ABCC2: variants seen among roughly 807,000 people sequenced by gnomAD.
ABCC2 encodes ATP-binding cassette sub-family C member 2.
In ABCC2, 157 loss-of-function variants were observed where a neutral mutation model predicts 173.4. The ratio of observed to expected loss-of-function variants is 0.91; its 90% confidence interval spans 0.80 to 1.03. The LOEUF is 1.03. Ranked by LOEUF, ABCC2 falls within the 50% of genes least tolerant of loss-of-function variation. ABCC2 has a pLI of 0.00. For missense variants in ABCC2, 1,822 were observed against 1,852.3 expected, an observed-to-expected ratio of 0.98 and a Z score of 0.30; for synonymous variants, 657 against 693.5, an observed-to-expected ratio of 0.95 and a Z score of 0.83.
chr10:99,828,522 T>G (rs945898093), intron 19 of ABCC2, among the ~76,000 whole-genome samples: 2 of 152,258 alleles, frequency 1.3e-5, no homozygotes, highest in African/African-American at 4.8e-5. Flanking sequence ...CAATAATCTG[T>G]TCAAGGCCTC....
rs775999587 is a variant in ABCC2 at position 99,793,910 on chromosome 10, G to A, written c.487G>A (p.Ala163Thr). Residue 163 changes from alanine (A) to threonine (T), a missense_variant, in exon 5 of 32, where the codon GCC (alanine) becomes ACC (threonine). Coordinates refer to ENST00000647814, the MANE Select transcript of ABCC2 (RefSeq NM_000392.5). ...TLLQGDNSNL[A>T]YSCLFFISYG... ...CTCATAGGGTGACAATTCTAATCTA[G>A]CCTACTCCTGCCTGTTCTTCATCTC... The A allele has an allele frequency of 9.3e-6, 15 of 1,613,658 alleles. No homozygotes were observed. In the South Asian group the frequency reaches 1.6e-4, roughly 18 times the overall value.
At chr10:99,809,196 AAC>A (rs1269008832) in intron 13 of ABCC2, among the ~76,000 whole-genome samples, 1 of 151,926 alleles carries the variant, frequency 6.6e-6, no homozygotes, top group Non-Finnish European at 1.5e-5. Flanking sequence ...CTACTAAAGA[AAC>A]AAAAATTAGC....
chr10:99,800,495 T>C lies in ABCC2; in HGVS notation c.1141T>C (p.Tyr381His), dbSNP rs978497992. 1 of 1,614,216 alleles carries C rather than the reference T, an allele frequency of 6.2e-7. No homozygotes were observed. Among genetic ancestry groups the C allele is most frequent in the Non-Finnish European group, 8.5e-7 (1 of 1,180,034 alleles). The change falls in exon 9 of 32, where the codon TAT (tyrosine) becomes CAT (histidine). Residue 381 changes from tyrosine (Y) to histidine (H), a missense_variant. By Grantham distance (83) the Tyr-to-His change is moderately conservative (BLOSUM62 2). Transcript: ENST00000647814. ...ALIQSFCLQCYFQLCFKLGVK... is the reference protein window; with the variant it reads ...ALIQSFCLQCHFQLCFKLGVK... ...CATTCAGTCTTTCTGCCTTCAGTGT[T>C]ATTTCCAACTGTGCTTCAAGCTGGG...
chr10:99,784,170 G>A (rs1421765090), intron 1 of ABCC2, among the ~76,000 whole-genome samples: 2 of 152,064 alleles, frequency 1.3e-5, no homozygotes, highest in African/African-American at 2.4e-5. Context: ...GTTACAGTAT[G>A]ACTAAGCATT....
At chr10:99,844,670 C>G (rs1418796915) in intron 28 of ABCC2, among the ~76,000 whole-genome samples, 1 of 152,214 alleles carries the variant, frequency 6.6e-6, no homozygotes, top group African/African-American at 2.4e-5. Flanking sequence ...CCGCAGCTGT[C>G]GGGGCCTTCT....
chr10:99,790,256 G>A (rs1186713434), intron 2 of ABCC2, among the ~76,000 whole-genome samples: 1 of 152,106 alleles, frequency 6.6e-6, no homozygotes, highest in Admixed American at 6.5e-5. Context: ...AGGCAAAAAT[G>A]TTATGTTTCA....
chr10:99,801,887 T>C (rs1302712743), intron 9 of ABCC2, among the ~76,000 whole-genome samples: 1 of 152,226 alleles, frequency 6.6e-6, no homozygotes, highest in Non-Finnish European at 1.5e-5. Context: ...CAGTGGCAGA[T>C]AATCCAAGTG....
In ABCC2 at chr10:99,795,801, A is replaced by AAGAAAGAG. The variant is rs58906337; in HGVS notation, c.633-1293_633-1292insAAGAGAGA. 7.3e-4 allele frequency among the ~76,000 whole-genome samples: 75 copies of AAGAAAGAG among 102,388 alleles called. 1 individual carries two copies. Among genetic ancestry groups the AAGAAAGAG allele is most frequent in the Admixed American group, 1.3e-3 (13 of 9,882 alleles). 67.2% of individuals were successfully genotyped at this position (102,388 alleles called of 152,430 possible). On this transcript the variant is annotated intron_variant, in intron 6 of 31. Transcript: ENST00000647814. Reference sequence around the variant, plus strand: ...AAAGAAAGAAAGAAAGAAAGAAAGAAAGATTTCTAAATGCTAGATTTCAGT... The same window carrying AAGAAAGAG: ...AAAGAAAGAAAGAAAGAAAGAAAGAAAGAAAGAGAGATTTCTAAATGCTAGATTTCAGT...
At position 99,814,163 on chromosome 10, in the gene ABCC2, G is replaced by T. The variant is rs867981448; in HGVS notation, c.2094+1019G>T. On this transcript the variant is annotated intron_variant, in intron 16 of 31. Transcript: ENST00000647814. ...TATACACACATGTATGTATACACAC[G>T]TATATATACACACATGTATGTATAC... is the stretch of plus-strand genomic sequence containing the variant. Among the ~76,000 whole-genome samples, 66 of 35,062 alleles carry T rather than the reference G, an allele frequency of 1.9e-3. 8 individuals are homozygous for T. The Middle Eastern group carries it at 0.058, about 31-fold the overall frequency. The allele number at this position is 35,062 out of a possible 152,430, so 23.0% of individuals were successfully genotyped here. A position where few individuals can be genotyped will look rare whatever the true frequency, so the allele number is the denominator to read the frequency against.
chr10:99,786,547 T>C (rs1327342030), intron 2 of ABCC2, among the ~76,000 whole-genome samples: 1 of 152,236 alleles, frequency 6.6e-6, no homozygotes, highest in Non-Finnish European at 1.5e-5. Context: ...TGAGATATAA[T>C]GTACATACCA....
intron 16 of ABCC2, among the ~76,000 whole-genome samples, chr10:99,815,993 G>T (rs2038401783): frequency 6.7e-6 from 1 of 149,564 alleles, no homozygotes; most frequent in African/African-American, 2.5e-5. Flanking sequence ...TTTTGAGACG[G>T]AGTCTCAGTC....
In ABCC2 at chr10:99,793,764, G is replaced by C; in HGVS notation, c.468+79G>C. ...CTCATAGTAAATGGCATCAAGTTGA[G>C]CTCCAGGATCGAATTGTATTAGAGG... On this transcript the variant is annotated intron_variant, in intron 4 of 31. Coordinates refer to ENST00000647814, the MANE Select transcript of ABCC2 (RefSeq NM_000392.5). 11 of 1,598,682 alleles carry C rather than the reference G, an allele frequency of 6.9e-6. No individual in the cohort carries two copies. The South Asian group carries it at 1.2e-4, about 18-fold the overall frequency.
intron 19 of ABCC2, 64 bp downstream of exon 19, chr10:99,819,333 T>G: frequency 6.8e-7 from 1 of 1,478,628 alleles, no homozygotes; most frequent in Non-Finnish European, 9.4e-7. Flanking sequence ...AATCAATATC[T>G]AATTCCTGAA....
chr10:99,824,083 G>GAGCA (rs2038585921), intron 19 of ABCC2, among the ~76,000 whole-genome samples: 1 of 150,050 alleles, frequency 6.7e-6, no homozygotes, highest in Non-Finnish European at 1.5e-5. Context: ...TGCGCTGACT[G>GAGCA]AATTTTTTCT....
In ABCC2 at chr10:99,804,198, CT is replaced by C; in HGVS notation, c.1391del (p.Leu464Ter). ...TATGGAGAGAGTTGGGACCCTCAGT[CT>C]TAGCAGGTGTTGGGGTGATGGTGCT... is the stretch of plus-strand genomic sequence containing the variant. Reference protein sequence around the residue: ...FLWRELGPSVLAGVGVMVLVI... With the variant: ...FLWRELGPSVXAGVGVMVLVI... On this transcript the variant is annotated frameshift_variant, in exon 10 of 32. Transcript: ENST00000647814. LOFTEE classifies it high-confidence loss of function. The C allele has an allele frequency of 6.2e-7, 1 of 1,614,090 alleles. No individual in the cohort carries two copies. The highest frequency in any genetic ancestry group is 8.5e-7 in the Non-Finnish European group (1 of 1,179,990).
At chr10:99,844,660 C>T (rs557622294) in intron 28 of ABCC2, among the ~76,000 whole-genome samples, 195 bp downstream of exon 28, 1 of 152,340 alleles carries the variant, frequency 6.6e-6, no homozygotes, top group African/African-American at 2.4e-5. Flanking sequence ...CACAGACTTA[C>T]CGCAGCTGTC....
At position 99,830,500 on chromosome 10, in the gene ABCC2, T is replaced by C. The variant is rs1372526685; in HGVS notation, c.2747+67T>C. 1.9e-6 allele frequency: 3 copies of C among 1,610,226 alleles called. No homozygotes were observed. The East Asian group carries it at 6.7e-5, about 36-fold the overall frequency. On this transcript the variant is annotated intron_variant, in intron 20 of 31. Transcript: ENST00000647814. ...TTTCCACTTGATCTTTTTCTTTTTC[T>C]TCCTGGGCTTTTCCTGTGAGGGTTA...
At chr10:99,784,136 G>A (rs2037665320) in intron 1 of ABCC2, among the ~76,000 whole-genome samples, 1 of 151,914 alleles carries the variant, frequency 6.6e-6, no homozygotes, top group African/African-American at 2.4e-5. Context: ...TAATGTAAGC[G>A]CTTTGGGCCA....
chr10:99,839,004 A>G (rs1245647977), intron 25 of ABCC2, among the ~76,000 whole-genome samples: 1 of 81,550 alleles, frequency 1.2e-5, no homozygotes, highest in Non-Finnish European at 2.4e-5. Context: ...GGCCGGGCAG[A>G]GGGGCTCCTC....
Sources: allele counts gnomAD v4.1 joint callset (sites outside exome capture counted in the v4.1 genomes callset), GRCh38; gene constraint gnomAD v4.1.1; transcripts MANE v1.5; gene names NCBI Gene and HGNC (gene_info 2026-07-23, HGNC 2026-07-21).